The following TRMT9B variants were observed in gnomAD, a reference collection of about 807,000 sequenced individuals.
TRMT9B encodes tRNA methyltransferase 9B (putative).
TRMT9B carries 16 observed loss-of-function variants against 11.5 expected under a neutral mutation model. The ratio of observed to expected loss-of-function variants is 1.39; its 90% confidence interval spans 0.94 to 2.11. The LOEUF is 2.11. TRMT9B is among the 30% of genes most tolerant of loss of function. TRMT9B has a pLI of 0.00. For missense variants in TRMT9B, 941 were observed against 553.8 expected (o/e 1.70, Z -7.02); for synonymous variants, 274 against 192.4 (o/e 1.42, Z -3.51).
chr8:12,958,207 C>A (rs972718100), intron 1 of TRMT9B, among the ~76,000 whole-genome samples: 4 of 152,196 alleles, frequency 2.6e-5, no homozygotes, highest in African/African-American at 9.6e-5. Context: ...TTGTTTACGC[C>A]ACATTATGCT....
At chr8:12,993,077 C>T (rs940868881) in intron 2 of TRMT9B, among the ~76,000 whole-genome samples, 1 of 152,116 alleles carries the variant, frequency 6.6e-6, no homozygotes, top group Admixed American at 6.5e-5. Flanking sequence ...GCAAGTCCCT[C>T]TCGGGAAAAA....
intron 3 of TRMT9B, chr8:13,010,572 C>G (rs1037417123): frequency 4.7e-5 from 46 of 985,072 alleles, no homozygotes; most frequent in Non-Finnish European, 5.4e-5. Context: ...AGGGGCAAAT[C>G]AAGAGTTCTA....
At chr8:12,954,653 G>A (rs1801069127) in intron 1 of TRMT9B, among the ~76,000 whole-genome samples, 1 of 152,210 alleles carries the variant, frequency 6.6e-6, no homozygotes, top group Non-Finnish European at 1.5e-5. Context: ...AAGATAACTG[G>A]AGAATTCATT....
intron 4 of TRMT9B, among the ~76,000 whole-genome samples, chr8:13,014,822 G>T (rs1812320441): frequency 6.6e-6 from 1 of 152,096 alleles, no homozygotes; most frequent in South Asian, 2.1e-4. Context: ...TAGCACTTTG[G>T]GAGGCCAAGG....
intron 1 of TRMT9B, among the ~76,000 whole-genome samples, chr8:12,974,850 G>A (rs887261679): frequency 2.6e-5 from 4 of 152,076 alleles, no homozygotes; most frequent in Non-Finnish European, 5.9e-5. Flanking sequence ...TCACGCCTGA[G>A]GTTGACAGGT....
At chr8:13,020,497 A>T (rs539504742) in intron 4 of TRMT9B, among the ~76,000 whole-genome samples, 4 of 152,314 alleles carry the variant, frequency 2.6e-5, no homozygotes, top group South Asian at 4.1e-4. Context: ...TGAGCTGCTG[A>T]TCTTTGCATT....
At chr8:12,997,691 T>A (rs1392847373) in intron 2 of TRMT9B, among the ~76,000 whole-genome samples, 1 of 152,174 alleles carries the variant, frequency 6.6e-6, no homozygotes, top group Admixed American at 6.5e-5. Context: ...GAAGAGTGCT[T>A]CTTTGGATAT....
At chr8:12,956,876 G>A (rs1286267950) in intron 1 of TRMT9B, among the ~76,000 whole-genome samples, 3 of 151,912 alleles carry the variant, frequency 2.0e-5, no homozygotes, top group Non-Finnish European at 4.4e-5. Context: ...AGATATGATT[G>A]GATCTCTTCT....
At chr8:12,953,753 T>C (rs1425785094) in intron 1 of TRMT9B, among the ~76,000 whole-genome samples, 1 of 152,156 alleles carries the variant, frequency 6.6e-6, no homozygotes, top group Non-Finnish European at 1.5e-5. Context: ...GAGTTGCTCA[T>C]AGCAAGAAAA....
At position 13,022,470 on chromosome 8, in the gene TRMT9B, G is replaced by A. The variant is rs915407437; in HGVS notation, c.*426G>A. On this transcript the variant is annotated 3_prime_UTR_variant, in exon 5 of 5. Coordinates refer to ENST00000524591, the MANE Select transcript of TRMT9B (RefSeq NM_020844.3). The stretch of plus-strand genomic sequence containing the variant: ...TTCTCAGGTTATAACTGAGAGCAGT[G>A]TGCAAGATAATAGGTAAATTTGATC... 4 of 170,614 alleles carry A rather than the reference G, an allele frequency of 2.3e-5. No homozygotes were observed. Among genetic ancestry groups the A allele is most frequent in the African/African-American group, 9.6e-5 (4 of 41,522 alleles). 10.6% of individuals were successfully genotyped at this position (170,614 alleles called of 1,614,324 possible). A position where few individuals can be genotyped will look rare whatever the true frequency, so the allele number is the denominator to read the frequency against.
chr8:12,959,642 C>G (rs1033910121), intron 1 of TRMT9B, among the ~76,000 whole-genome samples: 1 of 151,084 alleles, frequency 6.6e-6, no homozygotes, highest in African/African-American at 2.4e-5. Context: ...GCCTCAGCCG[C>G]CCAAGTAGCC....
chr8:12,962,950 T>A lies in TRMT9B; in HGVS notation c.-200+16984T>A, dbSNP rs35034435. 5.5e-3 allele frequency among the ~76,000 whole-genome samples: 839 copies of A among 152,038 alleles called. 10 individuals carry two copies. The highest frequency in any genetic ancestry group is 0.02 in the African/African-American group (812 of 41,478). ...ATAGACGAGGTAGGGCTTGTCAACT[T>A]AATTGTCAAGTTAAAAACTTGTAGC... On this transcript the variant is annotated intron_variant, in intron 1 of 4. Coordinates refer to ENST00000524591, the MANE Select transcript of TRMT9B (RefSeq NM_020844.3).
intron 1 of TRMT9B, chr8:12,962,028 C>T (rs1483248323): frequency 2.0e-5 from 3 of 152,258 alleles, no homozygotes; most frequent in African/African-American, 4.8e-5. Flanking sequence ...CAGAGAATGC[C>T]AGCCCTGAAG....
intron 2 of TRMT9B, among the ~76,000 whole-genome samples, chr8:13,005,214 T>C (rs1810235841): frequency 6.6e-6 from 1 of 152,202 alleles, no homozygotes; most frequent in Non-Finnish European, 1.5e-5. Context: ...ATGTTCTCAC[T>C]TATTTGTGGC....
At chr8:12,975,429 A>G (rs1425131198) in intron 1 of TRMT9B, among the ~76,000 whole-genome samples, 1 of 152,136 alleles carries the variant, frequency 6.6e-6, no homozygotes, top group Non-Finnish European at 1.5e-5. Context: ...GAAAGAAAAA[A>G]AAAAGCTTTT....
intron 1 of TRMT9B, among the ~76,000 whole-genome samples, chr8:12,963,021 T>C (rs992667395): frequency 6.6e-6 from 1 of 152,236 alleles, no homozygotes; most frequent in African/African-American, 2.4e-5. Flanking sequence ...CTGAGTATTA[T>C]GATTTATCCA....
At chr8:12,992,967 T>G (rs1022154137) in intron 2 of TRMT9B, among the ~76,000 whole-genome samples, 26 of 152,336 alleles carry the variant, frequency 1.7e-4, no homozygotes, top group African/African-American at 6.0e-4. Flanking sequence ...TGCTAGACTT[T>G]GCAGACCAGT....
chr8:12,995,674 T>G (rs1666645071), intron 2 of TRMT9B, among the ~76,000 whole-genome samples: 2 of 152,200 alleles, frequency 1.3e-5, no homozygotes, highest in Admixed American at 1.3e-4. Context: ...GTTGTTTTTG[T>G]TTTGGGTTTG....
intron 2 of TRMT9B, among the ~76,000 whole-genome samples, chr8:13,004,900 G>A (rs1381285399): frequency 6.6e-6 from 1 of 151,992 alleles, no homozygotes; most frequent in Non-Finnish European, 1.5e-5. Flanking sequence ...CATGGCTTGA[G>A]TGCCAGCTCA....
Sources: gnomAD v4.1 joint callset for allele counts (sites outside exome capture counted in the v4.1 genomes callset) on GRCh38, gnomAD v4.1.1 for gene constraint, MANE v1.5 for transcripts, NCBI Gene and HGNC (gene_info 2026-07-23, HGNC 2026-07-21) for gene names.